Variants in AGBL4 observed in about 807,000 individuals in gnomAD.
AGBL4 encodes the protein cytosolic carboxypeptidase 6.
A neutral mutation model predicts 66.4 loss-of-function variants in AGBL4; 58 were observed. That is an observed-to-expected ratio of 0.87 (90% confidence interval 0.71 to 1.09). The LOEUF (loss-of-function observed/expected upper bound fraction) is 1.09, where lower values mean the gene tolerates loss of function less well. Among genes scored for constraint, AGBL4 ranks in the 50% least tolerant of loss-of-function variants. The pLI is 0.00. For synonymous variants in AGBL4, 234 were observed against 222.9 expected, an observed-to-expected ratio of 1.05 and a Z score of -0.44; for missense variants, 579 against 631.0, an observed-to-expected ratio of 0.92 and a Z score of 0.88.
chr1:49,168,217 A>G (rs1646668800), intron 4 of AGBL4, among the ~76,000 whole-genome samples: 1 of 152,202 alleles, frequency 6.6e-6, no homozygotes, highest in African/African-American at 2.4e-5. Context: ...GGCTACTATG[A>G]TCAATCTTGT....
intron 3 of AGBL4, among the ~76,000 whole-genome samples, chr1:49,403,548 T>C (rs1238732728): frequency 6.6e-6 from 1 of 152,216 alleles, no homozygotes; most frequent in Non-Finnish European, 1.5e-5. Context: ...GAATTTTCTG[T>C]CTGAAAGGTC....
At chr1:48,905,486 A>G (rs78240256) in intron 5 of AGBL4, among the ~76,000 whole-genome samples, 4,116 of 152,322 alleles carry the variant, frequency 0.027, 192 homozygotes, top group African/African-American at 0.094. Flanking sequence ...TAAAAAGATA[A>G]TCCATGTTTC....
chr1:49,541,907 T>C (rs1652066849), intron 3 of AGBL4, among the ~76,000 whole-genome samples: 1 of 151,972 alleles, frequency 6.6e-6, no homozygotes, highest in Non-Finnish European at 1.5e-5. Flanking sequence ...CTAGCTAATC[T>C]GGTGGGGACT....
chr1:49,910,959 G>C (rs1650764874), intron 1 of AGBL4, among the ~76,000 whole-genome samples: 1 of 152,204 alleles, frequency 6.6e-6, no homozygotes, highest in Admixed American at 6.5e-5. Flanking sequence ...CTGGGCAACA[G>C]AGCGAGACTC....
At chr1:48,856,061 A>T (rs1028485165) in intron 6 of AGBL4, among the ~76,000 whole-genome samples, 1 of 152,208 alleles carries the variant, frequency 6.6e-6, no homozygotes, top group Non-Finnish European at 1.5e-5. Flanking sequence ...AAACAAAATT[A>T]TACATGCAGA....
At chr1:49,222,066 A>G (rs1649539894) in intron 4 of AGBL4, among the ~76,000 whole-genome samples, 1 of 152,140 alleles carries the variant, frequency 6.6e-6, no homozygotes, top group Admixed American at 6.5e-5. Flanking sequence ...ATCAACCAAA[A>G]ATATCACTTG....
intron 1 of AGBL4, among the ~76,000 whole-genome samples, chr1:49,875,614 C>A (rs1302657794): frequency 6.7e-6 from 1 of 149,142 alleles, no homozygotes; most frequent in Non-Finnish European, 1.5e-5. Context: ...CCGCAATAAA[C>A]ATACGTGTAC....
At chr1:48,990,076 AGCG>A (rs1660490608) in intron 5 of AGBL4, among the ~76,000 whole-genome samples, 2 of 152,284 alleles carry the variant, frequency 1.3e-5, no homozygotes, top group South Asian at 4.1e-4. Context: ...AAGCCATTCT[AGCG>A]GGGGTGAGAT....
At chr1:48,636,758 G>A (rs978948997) in intron 8 of AGBL4, among the ~76,000 whole-genome samples, 2 of 152,218 alleles carry the variant, frequency 1.3e-5, no homozygotes, top group African/African-American at 4.8e-5. Context: ...CCTGCTCAGG[G>A]TAATTCGGCC....
Position 49,845,781 on chromosome 1 carries a change from C to T in AGBL4, c.157+5615G>A, listed in dbSNP as rs1557506412. On this transcript the variant is annotated intron_variant, in intron 2 of 13. Coordinates refer to ENST00000371839, the MANE Select transcript of AGBL4 (RefSeq NM_032785.4). ...ACGAGTGTGGGAAAACCTTCAGCCACGGCTCCTCACTTAGCCAGCAGGAGC... is the reference window on the plus strand; with the variant it reads ...ACGAGTGTGGGAAAACCTTCAGCCATGGCTCCTCACTTAGCCAGCAGGAGC... 13 of 1,574,908 alleles carry T rather than the reference C, an allele frequency of 8.3e-6. No individual in the cohort carries two copies. The East Asian group carries it at 1.8e-4, about 22-fold the overall frequency.
intron 6 of AGBL4, among the ~76,000 whole-genome samples, chr1:48,848,930 C>T (rs1469680530): frequency 6.6e-6 from 1 of 152,204 alleles, no homozygotes. Context: ...ACCTTTTTCC[C>T]CTTTCTTCTT....
chr1:49,042,214 T>C (rs1331588834), intron 5 of AGBL4, among the ~76,000 whole-genome samples: 2 of 152,084 alleles, frequency 1.3e-5, no homozygotes, highest in Non-Finnish European at 2.9e-5. Flanking sequence ...TTTCAAACTA[T>C]TACTTTTTCC....
chr1:49,837,556 G>A lies in AGBL4; in HGVS notation c.157+13840C>T, dbSNP rs558014160. Among the ~76,000 whole-genome samples the A allele has an allele frequency of 8.7e-4, 133 of 152,294 alleles. 1 individual carries two copies. Among genetic ancestry groups the A allele is most frequent in the African/African-American group, 3.1e-3 (128 of 41,568 alleles). On this transcript the variant is annotated intron_variant, in intron 2 of 13. Coordinates refer to ENST00000371839, the MANE Select transcript of AGBL4 (RefSeq NM_032785.4). Reference sequence around the variant, plus strand: ...TGTCAACTATGACAATTAAAACAGAGCTTCTCCTGGCCAGATGCAGTGGCT... The same window carrying A: ...TGTCAACTATGACAATTAAAACAGAACTTCTCCTGGCCAGATGCAGTGGCT...
intron 1 of AGBL4, among the ~76,000 whole-genome samples, chr1:50,015,122 C>T (rs1212268870): frequency 1.3e-5 from 2 of 152,236 alleles, no homozygotes; most frequent in Non-Finnish European, 2.9e-5. Flanking sequence ...CTTCTCTCCA[C>T]ACTTCTGCCT....
intron 2 of AGBL4, among the ~76,000 whole-genome samples, chr1:49,764,424 T>A (rs962884306): frequency 6.6e-6 from 1 of 151,972 alleles, no homozygotes; most frequent in African/African-American, 2.4e-5. Context: ...TCCAATCACA[T>A]AAACATTCTG....
At chr1:49,777,821 G>A (rs1291926486) in intron 2 of AGBL4, among the ~76,000 whole-genome samples, 1 of 152,074 alleles carries the variant, frequency 6.6e-6, no homozygotes. Flanking sequence ...AATTTAACTG[G>A]TAAAAAAATA....
At chr1:48,697,171 G>C (rs1646724894) in intron 6 of AGBL4, among the ~76,000 whole-genome samples, 2 of 152,146 alleles carry the variant, frequency 1.3e-5, no homozygotes. Flanking sequence ...GGTTGTCTAA[G>C]CTTTACTATT....
intron 5 of AGBL4, among the ~76,000 whole-genome samples, chr1:49,030,735 C>A (rs1384520781): frequency 3.3e-5 from 5 of 151,314 alleles, no homozygotes; most frequent in African/African-American, 1.2e-4. Flanking sequence ...AAAACTAGTC[C>A]CTGGTGCCAA....
At chr1:49,506,808 C>A (rs1160727033) in intron 3 of AGBL4, among the ~76,000 whole-genome samples, 2 of 151,966 alleles carry the variant, frequency 1.3e-5, no homozygotes, top group African/African-American at 4.8e-5. Flanking sequence ...AAATTGGTTG[C>A]AAAGCCCATC....
Sources: gnomAD v4.1 joint callset for allele counts (sites outside exome capture counted in the v4.1 genomes callset) on GRCh38, gnomAD v4.1.1 for gene constraint, MANE v1.5 for transcripts, NCBI Gene and HGNC (gene_info 2026-07-23, HGNC 2026-07-21) for gene names.